The following LOC400499 variants were observed in gnomAD, a reference collection of about 807,000 sequenced individuals.
the LOC400499 span, among the ~76,000 whole-genome samples, chr16:11,458,061 A>T: frequency 6.6e-6 from 1 of 152,048 alleles, no homozygotes; most frequent in South Asian, 2.1e-4. Context: ...AAAATTAGCC[A>T]GGGCTGGGCG....
chr16:11,461,089 C>T, the LOC400499 span: 30 of 1,535,760 alleles, frequency 2.0e-5, no homozygotes, highest in Middle Eastern at 1.7e-4. Flanking sequence ...GGCCACCCTC[C>T]GTCCATTCTC....
At chr16:11,469,729 T>G in the LOC400499 span, 2 of 398,880 alleles carry the variant, frequency 5.0e-6, no homozygotes. Flanking sequence ...ACACTCACAT[T>G]GTTGTCCTCA....
At chr16:11,502,584 G>C in the LOC400499 span, among the ~76,000 whole-genome samples, 1 of 151,798 alleles carries the variant, frequency 6.6e-6, no homozygotes, top group South Asian at 2.1e-4. Flanking sequence ...TATTTAGCGA[G>C]GTGGCAATCT....
At chr16:11,523,859 C>A in the LOC400499 span, among the ~76,000 whole-genome samples, 1 of 151,566 alleles carries the variant, frequency 6.6e-6, no homozygotes, top group Non-Finnish European at 1.5e-5. Flanking sequence ...TCCCATCCAT[C>A]CACCCACCTG....
At chr16:11,384,835 A>G in the LOC400499 span, 5 of 1,228,904 alleles carry the variant, frequency 4.1e-6, no homozygotes, top group Non-Finnish European at 5.1e-6. Context: ...AAAGGGGTGC[A>G]TCCCAAAGAG....
chr16:11,429,887 T>A, the LOC400499 span, among the ~76,000 whole-genome samples: 1 of 151,596 alleles, frequency 6.6e-6, no homozygotes, highest in Non-Finnish European at 1.5e-5. Flanking sequence ...ACTAGGAGGG[T>A]CACAATTCCA....
At chr16:11,455,556 GA>G in the LOC400499 span, among the ~76,000 whole-genome samples, 1 of 151,812 alleles carries the variant, frequency 6.6e-6, no homozygotes, top group Admixed American at 6.6e-5. Flanking sequence ...CCAACAGAGT[GA>G]AACCCCGTCT....
the LOC400499 span, chr16:11,488,626 C>CA: frequency 2.5e-6 from 1 of 396,592 alleles, no homozygotes; most frequent in Non-Finnish European, 4.4e-6. Context: ...GTCTGATCCA[C>CA]ATGCTCTCAA....
chr16:11,439,017 C>T, the LOC400499 span, among the ~76,000 whole-genome samples: 1 of 152,158 alleles, frequency 6.6e-6, no homozygotes, highest in Admixed American at 6.5e-5. Context: ...TACACCTCCA[C>T]ATCCTTGAAT....
the LOC400499 span, chr16:11,450,839 G>C: frequency 6.6e-7 from 1 of 1,521,294 alleles, no homozygotes; most frequent in Non-Finnish European, 8.8e-7. Context: ...AACAAAGAAG[G>C]AGAATCTGGT....
the LOC400499 span, among the ~76,000 whole-genome samples, chr16:11,518,481 T>G: frequency 6.6e-6 from 1 of 151,978 alleles, no homozygotes; most frequent in African/African-American, 2.4e-5. Flanking sequence ...CAGACCTCCA[T>G]GGGCCCGGCA....
chr16:11,485,909 G>A, the LOC400499 span, among the ~76,000 whole-genome samples: 2 of 152,204 alleles, frequency 1.3e-5, no homozygotes, highest in Admixed American at 6.5e-5. Flanking sequence ...AGAGATGGAT[G>A]GGAAATTACA....
chr16:11,486,410 AGATGGATGGATGGATG>A, the LOC400499 span, among the ~76,000 whole-genome samples: 16 of 83,012 alleles, frequency 1.9e-4, 1 homozygote, highest in African/African-American at 6.6e-4. Context: ...TTGAGTGAAT[AGATGGATGGATGGATG>A]GATGGATGGA....
the LOC400499 span, among the ~76,000 whole-genome samples, chr16:11,499,640 G>A: frequency 5.9e-5 from 9 of 152,090 alleles, no homozygotes; most frequent in Admixed American, 5.9e-4. Flanking sequence ...GACAGCCAGG[G>A]CTGGACCAGC....
the LOC400499 span, chr16:11,399,410 C>CTCT: frequency 2.1e-6 from 1 of 475,748 alleles, no homozygotes; most frequent in East Asian, 3.5e-5. Flanking sequence ...GAGCTGGACG[C>CTCT]TCCTGTGGCA....
the LOC400499 span, among the ~76,000 whole-genome samples, chr16:11,465,078 C>A: frequency 6.6e-6 from 1 of 152,226 alleles, no homozygotes; most frequent in African/African-American, 2.4e-5. Flanking sequence ...TGAGAAGACA[C>A]TGGAAACTGA....
chr16:11,387,306 T>C, the LOC400499 span: 1 of 1,232,198 alleles, frequency 8.1e-7, no homozygotes, highest in Non-Finnish European at 1.0e-6. Context: ...CTGCAGGGAA[T>C]GCAGAGGACA....
At chr16:11,387,450 TC>T in the LOC400499 span, among the ~76,000 whole-genome samples, 1 of 152,032 alleles carries the variant, frequency 6.6e-6, no homozygotes, top group African/African-American at 2.4e-5. Flanking sequence ...GGAAATCCCA[TC>T]ATGAGGTGGA....
the LOC400499 span, among the ~76,000 whole-genome samples, chr16:11,420,637 TCTC>T: frequency 3.1e-5 from 3 of 96,646 alleles, no homozygotes; most frequent in African/African-American, 1.2e-4. Context: ...TTCAGTGAAA[TCTC>T]CACCACCTCT....
Sources: gnomAD v4.1 joint callset for allele counts (sites outside exome capture counted in the v4.1 genomes callset) on GRCh38, gnomAD v4.1.1 for gene constraint, MANE v1.5 for transcripts.